GRAMD1B: variants seen among roughly 807,000 people sequenced by gnomAD.
GRAMD1B encodes the protein protein Aster-B.
Under a neutral mutation model 99.7 loss-of-function variants are expected in GRAMD1B, and 37 were observed. The ratio of observed to expected loss-of-function variants is 0.37; its 90% CI spans 0.29 to 0.49. The LOEUF is 0.49. GRAMD1B is among the 20% of genes least tolerant of loss of function. The pLI is 0.98. For synonymous variants in GRAMD1B, 427 were observed against 387.6 expected (o/e 1.10, Z -1.19); for missense variants, 888 against 1,009.2 (o/e 0.88, Z 1.63).
chr11:123,382,279 C>T (rs1331135017), intron 1 of GRAMD1B, among the ~76,000 whole-genome samples: 2 of 152,164 alleles, frequency 1.3e-5, no homozygotes, highest in Non-Finnish European at 2.9e-5. Flanking sequence ...TCAAGACCAG[C>T]GCTGGGAAGA....
intron 1 of GRAMD1B, among the ~76,000 whole-genome samples, chr11:123,478,300 A>G (rs1591651769): frequency 6.6e-6 from 1 of 152,126 alleles, no homozygotes; most frequent in Admixed American, 6.6e-5. Context: ...GCATGAGCCA[A>G]CCCGCCTGGT....
At chr11:123,605,088 T>C (rs1391790280) in intron 9 of GRAMD1B, among the ~76,000 whole-genome samples, 1 of 151,206 alleles carries the variant, frequency 6.6e-6, no homozygotes, top group Non-Finnish European at 1.5e-5. Context: ...GAAAGGTGAG[T>C]TTGCAGCCAG....
chr11:123,505,059 T>A (rs1940278190), intron 2 of GRAMD1B, among the ~76,000 whole-genome samples: 1 of 152,150 alleles, frequency 6.6e-6, no homozygotes, highest in Non-Finnish European at 1.5e-5. Context: ...TTTCTACCAC[T>A]CTCCCCAAAG....
At chr11:123,458,933 CTCTGAGTCTGAGCTCAG>C (rs967314316) in intron 1 of GRAMD1B, 3 of 145,316 alleles carry the variant, frequency 2.1e-5, no homozygotes, top group African/African-American at 8.6e-5. Flanking sequence ...TTCCCCCCAA[CTCTGAGTCTGAGCTCAG>C]TGAGAACAAT....
upstream of GRAMD1B, among the ~76,000 whole-genome samples, chr11:123,427,034 G>T (rs1384718991): frequency 6.6e-6 from 1 of 152,170 alleles, no homozygotes; most frequent in Non-Finnish European, 1.5e-5. Context: ...GGTTGTTCTG[G>T]TTACCACCTG....
At chr11:123,408,536 G>T (rs935680877) in intron 1 of GRAMD1B, among the ~76,000 whole-genome samples, 1 of 152,198 alleles carries the variant, frequency 6.6e-6, no homozygotes, top group African/African-American at 2.4e-5. Flanking sequence ...TAAATGGATG[G>T]CATGTTACAG....
At chr11:123,605,544 C>A in intron 10 of GRAMD1B, 66 bp downstream of exon 10, 1 of 1,295,680 alleles carries the variant, frequency 7.7e-7, no homozygotes, top group Non-Finnish European at 1.1e-6. Context: ...GCATAGTTCA[C>A]TGGGAACCCA....
rs1213108956 is a variant in GRAMD1B, at chr11:123,430,956, G to A, written c.164G>A (p.Ser55Asn). The change falls in exon 1 of 20, where the codon AGC becomes AAC. Residue 55 changes from serine to asparagine, a missense_variant. Coordinates refer to ENST00000635736, the MANE Select transcript of GRAMD1B (RefSeq NM_001387025.1). The stretch of plus-strand genomic sequence containing the variant: ...CGCATGAAGAACGTACAGGAGCAGA[G>A]CCTGGAGGCCGGGCTGGCCCGGGAC... ...MRRMKNVQEQ[S>N]LEAGLARDLP... 1 of 702,734 alleles carries A rather than the reference G, an allele frequency of 1.4e-6. No individual in the cohort carries two copies. Among genetic ancestry groups the A allele is most frequent in the Non-Finnish European group, 2.6e-6 (1 of 384,902 alleles). The allele number at this position is 702,734 out of a possible 1,614,324, so 43.5% of individuals were successfully genotyped here.
At chr11:123,504,201 T>C (rs1940185479) in intron 2 of GRAMD1B, among the ~76,000 whole-genome samples, 1 of 152,172 alleles carries the variant, frequency 6.6e-6, no homozygotes, top group Non-Finnish European at 1.5e-5. Context: ...AATTCAGGCA[T>C]AGAACAGCAC....
intron 2 of GRAMD1B, among the ~76,000 whole-genome samples, chr11:123,507,618 G>A: frequency 6.6e-6 from 1 of 152,108 alleles, no homozygotes; most frequent in East Asian, 1.9e-4. Flanking sequence ...GTGAACATGA[G>A]TAAATTCATT....
At chr11:123,454,883 TG>T (rs759154117) in intron 1 of GRAMD1B, 9 of 152,230 alleles carry the variant, frequency 5.9e-5, no homozygotes, top group Non-Finnish European at 1.2e-4. Context: ...GGAATAGGAC[TG>T]GTTTTACATG....
At chr11:123,380,116 A>G (rs1300124915) in intron 1 of GRAMD1B, among the ~76,000 whole-genome samples, 1 of 152,252 alleles carries the variant, frequency 6.6e-6, no homozygotes, top group East Asian at 1.9e-4. Context: ...ACTTTTCTCC[A>G]ATTCATCAGG....
intron 1 of GRAMD1B, among the ~76,000 whole-genome samples, chr11:123,386,932 A>G (rs1220184801): frequency 6.6e-6 from 1 of 152,200 alleles, no homozygotes; most frequent in African/African-American, 2.4e-5. Flanking sequence ...AGATGACATC[A>G]GCCTCTGTCT....
chr11:123,597,256 CTTTTT>C (rs71060518), intron 7 of GRAMD1B, among the ~76,000 whole-genome samples: 9 of 76,546 alleles, frequency 1.2e-4, no homozygotes, highest in Non-Finnish European at 1.7e-4. Context: ...GCCACTATGC[CTTTTT>C]TTTTTTTTTT....
chr11:123,384,738 A>G (rs995580989), intron 1 of GRAMD1B, among the ~76,000 whole-genome samples: 8 of 152,124 alleles, frequency 5.3e-5, no homozygotes, highest in Middle Eastern at 3.2e-3. Flanking sequence ...CTTCTCAACT[A>G]TATCCTCCCC....
intron 2 of GRAMD1B, among the ~76,000 whole-genome samples, chr11:123,489,916 C>T (rs1329486981): frequency 6.6e-6 from 1 of 152,174 alleles, no homozygotes. Flanking sequence ...ATGGCTGGCG[C>T]CTGTAATTCC....
At chr11:123,563,258 T>C (rs1388406796) in intron 2 of GRAMD1B, among the ~76,000 whole-genome samples, 2 of 152,228 alleles carry the variant, frequency 1.3e-5, no homozygotes, top group Non-Finnish European at 2.9e-5. Context: ...CTATCAGAGC[T>C]GTCCCAAGGT....
intron 2 of GRAMD1B, among the ~76,000 whole-genome samples, chr11:123,558,957 G>C (rs1315754525): frequency 6.6e-6 from 1 of 152,206 alleles, no homozygotes; most frequent in Non-Finnish European, 1.5e-5. Flanking sequence ...GCATGAGTTC[G>C]AGCAGGATGC....
At chr11:123,578,318 T>A (rs770964316) in intron 3 of GRAMD1B, 2 of 1,093,218 alleles carry the variant, frequency 1.8e-6, no homozygotes, top group Non-Finnish European at 2.7e-6. Flanking sequence ...GGAGCTGGCT[T>A]CCCACTTGAA....
Sources: allele counts gnomAD v4.1 joint callset (sites outside exome capture counted in the v4.1 genomes callset), GRCh38; gene constraint gnomAD v4.1.1; transcripts MANE v1.5; gene names NCBI Gene and HGNC (gene_info 2026-07-23, HGNC 2026-07-21).